LNX1: variants seen among roughly 807,000 people sequenced by gnomAD.
LNX1 encodes the protein E3 ubiquitin-protein ligase LNX.
LNX1 carries 54 observed loss-of-function variants against 68.4 expected under a neutral mutation model. That is an observed-to-expected ratio of 0.79 (90% CI 0.63 to 0.99). The LOEUF is 0.99. Ranked by LOEUF, LNX1 falls within the 50% of genes least tolerant of loss-of-function variation. The probability of loss-of-function intolerance (pLI) is 0.00; values close to 1 mark genes in which losing one functional copy is unlikely to be tolerated. For missense variants in LNX1, 906 were observed against 926.4 expected, an observed-to-expected ratio of 0.98 and a Z score of 0.29; for synonymous variants, 336 against 350.0, an observed-to-expected ratio of 0.96 and a Z score of 0.45.
rs1485021608 is a variant in LNX1 at position 53,590,411 on chromosome 4, T to C, written c.-87+977A>G. On this transcript the variant is annotated intron_variant, in intron 1 of 10. Coordinates refer to ENST00000263925, the MANE Select transcript of LNX1 (RefSeq NM_001126328.3). The stretch of plus-strand genomic sequence containing the variant: ...GAAGTGTCTCGCAGATTTATTTCTT[T>C]TTCCAGTTTTTCCAGCTCATCCCAG... 2.0e-5 allele frequency among the ~76,000 whole-genome samples: 3 copies of C among 152,204 alleles called. No individual in the cohort carries two copies. In the South Asian group the frequency reaches 6.2e-4, roughly 31 times the overall value.
chr4:53,480,074 A>G (rs1723815352), intron 7 of LNX1, among the ~76,000 whole-genome samples: 1 of 152,206 alleles, frequency 6.6e-6, no homozygotes. Context: ...TATTTCTTTG[A>G]ATTGTTTAAG....
intron 1 of LNX1, among the ~76,000 whole-genome samples, chr4:53,575,122 C>T (rs2061635314): frequency 6.6e-6 from 1 of 152,126 alleles, no homozygotes; most frequent in African/African-American, 2.4e-5. Flanking sequence ...GCTGGGATTA[C>T]AGGCGCGCGC....
chr4:53,556,547 T>C (rs1426172115), intron 2 of LNX1, among the ~76,000 whole-genome samples: 2 of 152,168 alleles, frequency 1.3e-5, no homozygotes, highest in Non-Finnish European at 2.9e-5. Context: ...TCAGCATCCA[T>C]TGAGAGAGGA....
chr4:53,631,677 G>T (rs186479896), intron 1 of LNX1, among the ~76,000 whole-genome samples: 1 of 151,776 alleles, frequency 6.6e-6, no homozygotes, highest in Non-Finnish European at 1.5e-5. Context: ...AATTTCCAGG[G>T]TATGAGACCC....
intron 2 of LNX1, among the ~76,000 whole-genome samples, chr4:53,606,963 T>G (rs1384920068): frequency 6.6e-6 from 1 of 152,150 alleles, no homozygotes; most frequent in East Asian, 1.9e-4. Flanking sequence ...TACTTCAAAA[T>G]AATAATAGCC....
chr4:53,578,433 T>C (rs1015231483), intron 1 of LNX1, among the ~76,000 whole-genome samples: 1 of 152,190 alleles, frequency 6.6e-6, no homozygotes, highest in African/African-American at 2.4e-5. Context: ...TACCAAATAC[T>C]GTAGGCAACT....
At chr4:53,615,403 G>A (rs549695902) in intron 2 of LNX1, among the ~76,000 whole-genome samples, 5 of 152,258 alleles carry the variant, frequency 3.3e-5, no homozygotes, top group African/African-American at 7.2e-5. Flanking sequence ...AAGAGGCTTC[G>A]CAGCTTCCAC....
At chr4:53,538,503 G>A (rs957433842) in intron 2 of LNX1, among the ~76,000 whole-genome samples, 3 of 152,196 alleles carry the variant, frequency 2.0e-5, no homozygotes, top group African/African-American at 4.8e-5. Context: ...AGGGTTCATC[G>A]TTGAAAAACC....
At chr4:53,614,351 A>C (rs551202264) in intron 2 of LNX1, among the ~76,000 whole-genome samples, 23 of 152,266 alleles carry the variant, frequency 1.5e-4, no homozygotes, top group African/African-American at 5.3e-4. Flanking sequence ...ACACCATTTC[A>C]TCTCACAAAC....
At chr4:53,579,335 C>T in intron 1 of LNX1, 1 of 898,150 alleles carries the variant, frequency 1.1e-6, no homozygotes. Flanking sequence ...TTCCTTCTTT[C>T]TGATCTGGAA....
rs73147488 is a variant in LNX1 at position 53,585,345 on chromosome 4, T to C, written c.-87+6043A>G. 4.0e-3 allele frequency among the ~76,000 whole-genome samples: 604 copies of C among 152,326 alleles called. 3 individuals carry two copies. The highest frequency in any genetic ancestry group is 0.014 in the African/African-American group (587 of 41,566). Reference sequence around the variant, plus strand: ...ATTCTGACTCTCCTTGCCTGTACTTTGCTCAGTATTTCAGCCTCCAAGTGG... The same window carrying C: ...ATTCTGACTCTCCTTGCCTGTACTTCGCTCAGTATTTCAGCCTCCAAGTGG... On this transcript the variant is annotated intron_variant, in intron 1 of 10. Transcript: ENST00000263925.
rs377495221 is a variant in LNX1, at chr4:53,470,270, G to A, written c.1892+6483C>T. On this transcript the variant is annotated intron_variant, in intron 9 of 10. Transcript: ENST00000263925. ...TGATTTTCTCAATAGATGCAGAAAA[G>A]CCTTTGACAAAATTCAACAACCTTC... is the stretch of plus-strand genomic sequence containing the variant. 5.1e-4 allele frequency among the ~76,000 whole-genome samples: 78 copies of A among 152,258 alleles called. 1 individual carries two copies. In the East Asian group the frequency reaches 0.014, roughly 27 times the overall value.
intron 1 of LNX1, among the ~76,000 whole-genome samples, chr4:53,641,999 T>C (rs984259855): frequency 3.1e-4 from 47 of 152,158 alleles, no homozygotes; most frequent in African/African-American, 1.1e-3. Context: ...GACAGGAGGA[T>C]TGCTTGAGGC....
intron 2 of LNX1, among the ~76,000 whole-genome samples, chr4:53,597,662 G>A (rs576770581): frequency 2.6e-5 from 4 of 152,282 alleles, no homozygotes; most frequent in African/African-American, 9.6e-5. Context: ...GCAGATTTCT[G>A]TCTAGGAGGC....
In LNX1 at chr4:53,472,690, A is replaced by C. The variant is rs1439783512; in HGVS notation, c.1892+4063T>G. 1.2e-4 allele frequency among the ~76,000 whole-genome samples: 16 copies of C among 138,680 alleles called. No individual in the cohort carries two copies. The South Asian group carries it at 1.4e-3, about 12-fold the overall frequency. 91.0% of individuals were successfully genotyped at this position (138,680 alleles called of 152,430 possible). A position where few individuals can be genotyped will look rare whatever the true frequency, so the allele number is the denominator to read the frequency against. On this transcript the variant is annotated intron_variant, in intron 9 of 10. Coordinates refer to ENST00000263925, the MANE Select transcript of LNX1 (RefSeq NM_001126328.3). ...AACAACAACAACAACAACAACAAAA[A>C]AAAAAAAAACAAAAAACAATGGGGA... is the stretch of plus-strand genomic sequence containing the variant.
intron 2 of LNX1, among the ~76,000 whole-genome samples, chr4:53,610,662 C>G (rs1167088358): frequency 6.9e-6 from 1 of 144,568 alleles, no homozygotes; most frequent in South Asian, 2.2e-4. Context: ...GAGCCGAGAT[C>G]GCACCACTGT....
At chr4:53,532,387 A>G (rs1419872951) in intron 2 of LNX1, among the ~76,000 whole-genome samples, 3 of 152,312 alleles carry the variant, frequency 2.0e-5, no homozygotes, top group South Asian at 4.1e-4. Flanking sequence ...AGGCAGGAGA[A>G]TCACTTGAAT....
chr4:53,567,501 T>A (rs1027537648), intron 2 of LNX1, among the ~76,000 whole-genome samples: 2 of 152,168 alleles, frequency 1.3e-5, no homozygotes, highest in Non-Finnish European at 2.9e-5. Flanking sequence ...AAGCAGTGTG[T>A]AGAGGGAAAT....
intron 2 of LNX1, among the ~76,000 whole-genome samples, chr4:53,523,621 C>T (rs558879459): frequency 8.5e-5 from 13 of 152,316 alleles, no homozygotes; most frequent in African/African-American, 2.2e-4. Flanking sequence ...ATGCACATCT[C>T]ATGTGAAATC....
Sources: gnomAD v4.1 joint callset for allele counts (sites outside exome capture counted in the v4.1 genomes callset) on GRCh38, gnomAD v4.1.1 for gene constraint, MANE v1.5 for transcripts, NCBI Gene and HGNC (gene_info 2026-07-23, HGNC 2026-07-21) for gene names.